The following DHX33 variants were observed in gnomAD, a reference collection of about 807,000 sequenced individuals.
DHX33 encodes ATP-dependent RNA helicase DHX33.
In DHX33, 42 loss-of-function variants were observed where a neutral mutation model predicts 72.5. The ratio of observed to expected loss-of-function variants is 0.58; its 90% confidence interval spans 0.45 to 0.75. The LOEUF (loss-of-function observed/expected upper bound fraction) is 0.75, where lower values mean the gene tolerates loss of function less well. DHX33 is among the 30% of genes least tolerant of loss of function. DHX33 has a pLI of 0.00. For missense variants in DHX33, 842 were observed against 917.5 expected, an observed-to-expected ratio of 0.92 and a Z score of 1.06; for synonymous variants, 358 against 366.1, an observed-to-expected ratio of 0.98 and a Z score of 0.25.
At chr17:5,449,187 T>C (rs1365675767) in intron 10 of DHX33, among the ~76,000 whole-genome samples, 1 of 152,218 alleles carries the variant, frequency 6.6e-6, no homozygotes, top group African/African-American at 2.4e-5. Flanking sequence ...AAAATATCTT[T>C]ATATCAAAAA....
chr17:5,452,484 G>A (rs1442008975), intron 8 of DHX33, among the ~76,000 whole-genome samples: 1 of 152,188 alleles, frequency 6.6e-6, no homozygotes, highest in African/African-American at 2.4e-5. Flanking sequence ...AGGTTGCAGT[G>A]AGCTGGGATC....
At chr17:5,464,664 A>G (rs923534706) in intron 1 of DHX33, among the ~76,000 whole-genome samples, 3 of 152,254 alleles carry the variant, frequency 2.0e-5, no homozygotes, top group East Asian at 3.8e-4. Flanking sequence ...ATTGGAAACA[A>G]TATAAATGTT....
At chr17:5,451,187 C>T (rs1001130489) in intron 8 of DHX33, among the ~76,000 whole-genome samples, 1 of 152,180 alleles carries the variant, frequency 6.6e-6, no homozygotes, top group African/African-American at 2.4e-5. Context: ...CTCATTGCAG[C>T]CTCTGCCTCC....
intron 10 of DHX33, 86 bp downstream of exon 10, chr17:5,450,117 T>G: frequency 6.5e-7 from 1 of 1,533,272 alleles, no homozygotes; most frequent in South Asian, 1.2e-5. Flanking sequence ...GAAAGCGTAC[T>G]TTTTGCACGG....
Position 5,461,050 on chromosome 17 carries a change from G to A in DHX33, c.738C>T (p.Ala246=), listed in dbSNP as rs772670433. The change falls in exon 4 of 12, where the codon GCC becomes GCT. Residue 246 remains alanine, a synonymous_variant. Transcript: ENST00000225296. ...GCCGACCCTCTAGGTAGAGGACGGG[G>A]GCGCCATTGAAATACTGAGAGAACA... ...VDLFSQYFNG[A]PVLYLEGRQH... 2 of 1,612,036 alleles carry A rather than the reference G, an allele frequency of 1.2e-6. No homozygotes were observed. The highest frequency in any genetic ancestry group is 1.1e-5 in the South Asian group (1 of 90,794).
Position 5,465,183 on chromosome 17 carries a change from G to A in DHX33, c.290-1494C>T, listed in dbSNP as rs567194416. Among the ~76,000 whole-genome samples the A allele has an allele frequency of 2.6e-5, 4 of 152,190 alleles. No individual in the cohort carries two copies. The East Asian group carries it at 5.8e-4, about 22-fold the overall frequency. On this transcript the variant is annotated intron_variant, in intron 1 of 11. Coordinates refer to ENST00000225296, the MANE Select transcript of DHX33 (RefSeq NM_020162.4). ...AGAGCAAAGAACTCAGTAAACCTGC[G>A]CTTCCTTCCCCTCCCTCTAGCTACC... is the stretch of plus-strand genomic sequence containing the variant.
At position 5,453,597 on chromosome 17, in the gene DHX33, A is replaced by G; in HGVS notation, c.1379T>C (p.Met460Thr). 7 of 1,614,170 alleles carry G rather than the reference A, an allele frequency of 4.3e-6. No homozygotes were observed. The highest frequency in any genetic ancestry group is 5.1e-6 in the Non-Finnish European group (6 of 1,180,002). The change falls in exon 8 of 12, where the codon ATG (methionine) becomes ACG (threonine). Residue 460 changes from methionine (M) to threonine (T), a missense_variant. Met to Thr is a moderately conservative substitution (Grantham distance 81). Transcript: ENST00000225296. Reference protein sequence around the residue: ...KVPNVLTFDFMSKPSPDHIQA... With the variant: ...KVPNVLTFDFTSKPSPDHIQA... ...TCACTTACCTGGAGATGGCTTCGAC[A>G]TGAAGTCAAAGGTGAGCACATTTGG...
In DHX33 at chr17:5,441,684, T is replaced by G. The variant is rs1232993304; in HGVS notation, c.*2521A>C. 2 of 152,164 alleles carry G rather than the reference T, an allele frequency of 1.3e-5. No homozygotes were observed. The highest frequency in any genetic ancestry group is 2.9e-5 in the Non-Finnish European group (2 of 68,032). The allele number at this position is 152,164 out of a possible 1,614,324, so 9.4% of individuals were successfully genotyped here. Reference sequence around the variant, plus strand: ...ATCCCTGAGCAGCTATGTTAAAAGTTAACTTTTTAAAAAAGCCCAATAAAA... The same window carrying G: ...ATCCCTGAGCAGCTATGTTAAAAGTGAACTTTTTAAAAAAGCCCAATAAAA... On this transcript the variant is annotated 3_prime_UTR_variant, in exon 12 of 12. Transcript: ENST00000225296.
Position 5,461,052 on chromosome 17 carries a change from C to G in DHX33, c.736G>C (p.Ala246Pro), listed in dbSNP as rs763474792. The G allele has an allele frequency of 6.2e-7, 1 of 1,612,338 alleles. No homozygotes were observed. The highest frequency in any genetic ancestry group is 8.5e-7 in the Non-Finnish European group (1 of 1,179,104). Reference protein sequence around the residue: ...VDLFSQYFNGAPVLYLEGRQH... With the variant: ...VDLFSQYFNGPPVLYLEGRQH... ...CGACCCTCTAGGTAGAGGACGGGGG[C>G]GCCATTGAAATACTGAGAGAACAGG... Residue 246 changes from alanine to proline, a missense_variant, in exon 4 of 12, where the codon GCC (alanine) becomes CCC (proline). Ala to Pro is a conservative substitution (Grantham distance 27). Transcript: ENST00000225296.
At chr17:5,461,728 T>C (rs1481219367) in intron 3 of DHX33, among the ~76,000 whole-genome samples, 2 of 151,872 alleles carry the variant, frequency 1.3e-5, no homozygotes, top group African/African-American at 4.8e-5. Flanking sequence ...TTTGTATTTT[T>C]AGTAGAGACG....
chr17:5,468,501 T>G (rs939998592), intron 1 of DHX33, 70 bp downstream of exon 1: 1 of 1,527,012 alleles, frequency 6.5e-7, no homozygotes, highest in South Asian at 1.2e-5. Flanking sequence ...TTGAGAGGCA[T>G]GTAAGAAAAA....
chr17:5,459,226 G>C (rs1014975911), intron 4 of DHX33, among the ~76,000 whole-genome samples: 1 of 152,034 alleles, frequency 6.6e-6, no homozygotes, highest in Non-Finnish European at 1.5e-5. Flanking sequence ...TAAATAAAAA[G>C]TTATTTTAAA....
At position 5,456,068 on chromosome 17, in the gene DHX33, T is replaced by A. The variant is rs151275648; in HGVS notation, c.964A>T (p.Met322Leu). The A allele has an allele frequency of 4.5e-5, 73 of 1,613,608 alleles. No homozygotes were observed. In the Middle Eastern group the frequency reaches 1.2e-3, roughly 27 times the overall value. The change falls in exon 5 of 12, where the codon ATG (methionine) becomes TTG (leucine). Residue 322 changes from methionine (M) to leucine (L), a missense_variant. By Grantham distance (15) the Met-to-Leu change is conservative. Transcript: ENST00000225296. ...AKHLPDGCPA[M>L]LVLPLYASLP... is the part of the protein sequence containing the mutation. ...GAGGCGTACAGAGGAAGGACCAGCA[T>A]CGCAGGGCAGCCGTCTGGGAGGTGC...
Position 5,456,087 on chromosome 17 carries a change from G to A in DHX33, c.945C>T (p.Leu315=). 1 of 1,614,024 alleles carries A rather than the reference G, an allele frequency of 6.2e-7. No homozygotes were observed. Among genetic ancestry groups the A allele is most frequent in the Non-Finnish European group, 8.5e-7 (1 of 1,180,046 alleles). ...SKTCRDIAKH[L]PDGCPAMLVL... is the part of the protein sequence containing the mutation. ...CCAGCATCGCAGGGCAGCCGTCTGG[G>A]AGGTGCTTTGCAATGTCTCGGCACG... Residue 315 remains leucine (L), a synonymous_variant, in exon 5 of 12, where the codon CTC becomes CTT. Coordinates refer to ENST00000225296, the MANE Select transcript of DHX33 (RefSeq NM_020162.4).
intron 8 of DHX33, among the ~76,000 whole-genome samples, chr17:5,451,344 A>G (rs1597357574): frequency 6.6e-6 from 1 of 152,308 alleles, no homozygotes; most frequent in Middle Eastern, 3.4e-3. Context: ...ACCTCAGGTG[A>G]TCTGCCCACC....
At chr17:5,460,746 AT>A (rs955908839) in intron 4 of DHX33, among the ~76,000 whole-genome samples, 192 bp downstream of exon 4, 32 of 152,160 alleles carry the variant, frequency 2.1e-4, no homozygotes, top group African/African-American at 7.5e-4. Context: ...ACCTCAGGTG[AT>A]CCACCTGCCT....
chr17:5,451,529 C>T (rs530703252), intron 8 of DHX33, among the ~76,000 whole-genome samples: 95 of 152,276 alleles, frequency 6.2e-4, no homozygotes, highest in Non-Finnish European at 7.5e-4. Context: ...AGATACACAT[C>T]GCACAGAGAC....
rs1482606119 is a variant in DHX33, at chr17:5,468,612, A to C, written c.248T>G (p.Leu83Arg). 6.2e-7 allele frequency: 1 copy of C among 1,610,338 alleles called. No homozygotes were observed. The highest frequency in any genetic ancestry group is 2.2e-5 in the East Asian group (1 of 44,856). The change falls in exon 1 of 12, where the codon CTG (leucine) becomes CGG (arginine). Residue 83 changes from leucine to arginine, a missense_variant. Leu to Arg is a moderately radical substitution (Grantham distance 102). Coordinates refer to ENST00000225296, the MANE Select transcript of DHX33 (RefSeq NM_020162.4). Reference protein sequence around the residue: ...SLPIFQARGQLLAQLRNLDNA... With the variant: ...SLPIFQARGQRLAQLRNLDNA... ...GTCCAGGTTTCGGAGCTGGGCCAAC[A>C]GTTGCCCCCGCGCTTGGAAGATGGG...
At position 5,453,866 on chromosome 17, in the gene DHX33, TCCTCCGTGTAGAGC is replaced by T; in HGVS notation, c.1248_1261del (p.Leu417ArgfsTer3). 1.2e-6 allele frequency: 2 copies of T among 1,614,074 alleles called. No individual in the cohort carries two copies. Among genetic ancestry groups the T allele is most frequent in the South Asian group, 2.2e-5 (2 of 91,068 alleles). On this transcript the variant is annotated frameshift_variant, in exon 7 of 12. Coordinates refer to ENST00000225296, the MANE Select transcript of DHX33 (RefSeq NM_020162.4). LOFTEE classifies it high-confidence loss of function. ...CATCTTATCAAACTTCTCAAACTCGTCCTCCGTGTAGAGCCGGTAGCAGATGCCACTGTCCTCTC... is the reference window on the plus strand; with the variant it reads ...CATCTTATCAAACTTCTCAAACTCGTCGGTAGCAGATGCCACTGTCCTCTC...
Sources: gnomAD v4.1 joint callset for allele counts (sites outside exome capture counted in the v4.1 genomes callset) on GRCh38, gnomAD v4.1.1 for gene constraint, MANE v1.5 for transcripts, NCBI Gene and HGNC (gene_info 2026-07-23, HGNC 2026-07-21) for gene names.